Variants in TTC38 observed in about 807,000 individuals in gnomAD.
TTC38 encodes tetratricopeptide repeat protein 38.
In TTC38, 64 loss-of-function variants were observed where a neutral mutation model predicts 64.2. The ratio of observed to expected loss-of-function variants is 1.00; its 90% confidence interval spans 0.81 to 1.23. TTC38 has a LOEUF of 1.23. Ranked by LOEUF, TTC38 falls within the 50% of genes most tolerant of loss-of-function variation. The probability of loss-of-function intolerance (pLI) is 0.00; values close to 1 mark genes in which losing one functional copy is unlikely to be tolerated. For synonymous variants in TTC38, 254 were observed against 249.3 expected, an observed-to-expected ratio of 1.02 and a Z score of -0.18; for missense variants, 573 against 615.5, an observed-to-expected ratio of 0.93 and a Z score of 0.73.
In TTC38 at chr22:46,268,537, G is replaced by T; in HGVS notation, c.57G>T (p.Pro19=). 1 of 1,614,000 alleles carries T rather than the reference G, an allele frequency of 6.2e-7. No individual in the cohort carries two copies. Among genetic ancestry groups the T allele is most frequent in the Non-Finnish European group, 8.5e-7 (1 of 1,180,024 alleles). ...AGGCCTGGAAGGATGCGAGGCTCCC[G>T]CTCTCCACCACAAGCAACGAAGCCT... is the stretch of plus-strand genomic sequence containing the variant. ...DCQAWKDARL[P]LSTTSNEACK... Residue 19 remains proline, a synonymous_variant, in exon 2 of 14, where the codon CCG becomes CCT. Coordinates refer to ENST00000381031, the MANE Select transcript of TTC38 (RefSeq NM_017931.4).
intron 6 of TTC38, among the ~76,000 whole-genome samples, chr22:46,280,483 C>T (rs770464230): frequency 6.6e-5 from 10 of 152,254 alleles, no homozygotes; most frequent in Non-Finnish European, 1.2e-4. Flanking sequence ...CCACCCTTCA[C>T]TCCTGCCATT....
Position 46,291,228 on chromosome 22 carries a change from G to A in TTC38, c.1316+1329G>A, listed in dbSNP as rs1396168900. 1.3e-5 allele frequency among the ~76,000 whole-genome samples: 2 copies of A among 152,236 alleles called. No homozygotes were observed. The highest frequency in any genetic ancestry group is 2.9e-5 in the Non-Finnish European group (2 of 68,040). On this transcript the variant is annotated intron_variant, in intron 13 of 13. Coordinates refer to ENST00000381031, the MANE Select transcript of TTC38 (RefSeq NM_017931.4). The surrounding 1 kb of genome is among the most constrained non-coding windows in gnomAD (Gnocchi z 4.6). Reference sequence around the variant, plus strand: ...TGTTTCTTTGGTGGTCAAGCCCCCTGGGGAGCTCAGGCTGTGGTGTGGGTG... The same window carrying A: ...TGTTTCTTTGGTGGTCAAGCCCCCTAGGGAGCTCAGGCTGTGGTGTGGGTG...
Position 46,272,256 on chromosome 22 carries a change from G to T in TTC38, c.112-79G>T. 7.9e-7 allele frequency: 1 copy of T among 1,267,302 alleles called. No individual in the cohort carries two copies. The allele number at this position is 1,267,302 out of a possible 1,614,324, so 78.5% of individuals were successfully genotyped here. ...TCTGCCCGCCTCGGCCTCCCAAAGT[G>T]TAAACCTGGATTTAGAGCCACCTTT... On this transcript the variant is annotated intron_variant, in intron 2 of 13. Coordinates refer to ENST00000381031, the MANE Select transcript of TTC38 (RefSeq NM_017931.4). This position sits in a 1 kb window ranked among gnomAD's most constrained non-coding sequence, Gnocchi z 6.4.
At chr22:46,277,677 T>TCCTGGGCTGGG (rs2077503285) in intron 5 of TTC38, among the ~76,000 whole-genome samples, 2 of 147,108 alleles carry the variant, frequency 1.4e-5, no homozygotes, top group Non-Finnish European at 3.0e-5. Flanking sequence ...TTCTAGCCCA[T>TCCTGGGCTGGG]CCTGGGCTGG....
intron 11 of TTC38, among the ~76,000 whole-genome samples, chr22:46,289,117 G>A (rs901191390): frequency 1.3e-5 from 2 of 152,236 alleles, no homozygotes; most frequent in African/African-American, 4.8e-5. Context: ...CAGCAATCCT[G>A]ACGGTTCTGT....
chr22:46,293,268 T>TGTCCCCGTCCCCACCAGGCTGCCC lies in TTC38; in HGVS notation c.*385_*408dup. On this transcript the variant is annotated 3_prime_UTR_variant, in exon 14 of 14. Transcript: ENST00000381031. The surrounding 1 kb of genome is among the most constrained non-coding windows in gnomAD (Gnocchi z 6.6). ...CCAGAGGCAGCCTCCCCCCACTGCC[T>TGTCCCCGTCCCCACCAGGCTGCCC]GTCCCCGTCCCCACCAGGCTGCCCT... The TGTCCCCGTCCCCACCAGGCTGCCC allele has an allele frequency of 4.4e-6, 1 of 227,194 alleles. No homozygotes were observed. Among genetic ancestry groups the TGTCCCCGTCCCCACCAGGCTGCCC allele is most frequent in the Non-Finnish European group, 9.0e-6 (1 of 110,574 alleles). The allele number at this position is 227,194 out of a possible 1,614,324, so 14.1% of individuals were successfully genotyped here. A position where few individuals can be genotyped will look rare whatever the true frequency, so the allele number is the denominator to read the frequency against.
chr22:46,268,495 C>G lies in TTC38; in HGVS notation c.34-19C>G, dbSNP rs1936811752. The G allele has an allele frequency of 6.2e-7, 1 of 1,612,632 alleles. No individual in the cohort carries two copies. On this transcript the variant is annotated intron_variant, in intron 1 of 13. Transcript: ENST00000381031. ...CTCCTGGAGAGAAGGCACTGCTATT[C>G]CCTTCTTGCCGTCTGTAGGCCTGGA... is the stretch of plus-strand genomic sequence containing the variant.
rs1555886902 is a variant in TTC38, at chr22:46,276,824, A to AATATATATATATTAAAT, written c.539+1415_539+1416insTAAATATATATATATAT. On this transcript the variant is annotated intron_variant, in intron 5 of 13. Coordinates refer to ENST00000381031, the MANE Select transcript of TTC38 (RefSeq NM_017931.4). The surrounding 1 kb of genome is among the most constrained non-coding windows in gnomAD (Gnocchi z 4.7). ...ATTATATATTAAAATATATATATTA[A>AATATATATATATTAAAT]ATATATATATATATATAAACATATA... 2.1e-5 allele frequency among the ~76,000 whole-genome samples: 3 copies of AATATATATATATTAAAT among 139,556 alleles called. No individual in the cohort carries two copies. The highest frequency in any genetic ancestry group is 8.3e-5 in the African/African-American group (3 of 36,132). 91.6% of individuals were successfully genotyped at this position (139,556 alleles called of 152,430 possible).
intron 5 of TTC38, among the ~76,000 whole-genome samples, chr22:46,277,046 T>TAC (rs4044315): frequency 0.02 from 2,561 of 131,286 alleles, 31 homozygotes; most frequent in South Asian, 0.055. Context: ...TATATATACA[T>TAC]ACACACACAC....
Position 46,288,543 on chromosome 22 carries a change from C to T in TTC38, c.1037C>T (p.Pro346Leu). The T allele has an allele frequency of 1.2e-6, 2 of 1,613,998 alleles. No individual in the cohort carries two copies. Among genetic ancestry groups the T allele is most frequent in the Non-Finnish European group, 1.7e-6 (2 of 1,179,926 alleles). ...FLMASLGAHD[P>L]QTTQELLTTL... ...ATGGCATCCCTGGGTGCACACGACCCCCAGACCACACAGGAGCTGCTGACC... is the reference window on the plus strand; with the variant it reads ...ATGGCATCCCTGGGTGCACACGACCTCCAGACCACACAGGAGCTGCTGACC... The change falls in exon 11 of 14, where the codon CCC (proline) becomes CTC (leucine). Residue 346 changes from proline (P) to leucine (L), a missense_variant. By Grantham distance (98) the Pro-to-Leu change is moderately conservative (BLOSUM62 -3). This residue lies in a region of TTC38 where 371 missense variants were observed against 381.8 expected (regional missense o/e 0.97). Transcript: ENST00000381031.
Position 46,292,988 on chromosome 22 carries a change from G to C in TTC38, c.*104G>C, listed in dbSNP as rs111839774. 3.1e-4 allele frequency: 248 copies of C among 809,712 alleles called. No homozygotes were observed. In the African/African-American group the frequency reaches 3.6e-3, roughly 12 times the overall value. The allele number at this position is 809,712 out of a possible 1,614,324, so 50.2% of individuals were successfully genotyped here. On this transcript the variant is annotated 3_prime_UTR_variant, in exon 14 of 14. Transcript: ENST00000381031. This position sits in a 1 kb window ranked among gnomAD's most constrained non-coding sequence, Gnocchi z 6.5. ...GTCAGGAGACGGCCAGAGCCTGTTT[G>C]TTAGGGCTGTTAGAGGGTGATCTTC... is the stretch of plus-strand genomic sequence containing the variant.
chr22:46,268,392 A>G (rs1337121565), intron 1 of TTC38, 122 bp from the exon 2 acceptor site: 17 of 1,069,382 alleles, frequency 1.6e-5, no homozygotes, highest in Non-Finnish European at 2.2e-5. Flanking sequence ...CAGGACTGGG[A>G]GCCTGAGCCC....
Position 46,291,435 on chromosome 22 carries a change from G to A in TTC38, c.1317-1356G>A, listed in dbSNP as rs527899105. ...CAGGGAGCCGACTGCATTAGGAGACGTGGAGGGGGCCTTCTCTCCAAGTCC... is the reference window on the plus strand; with the variant it reads ...CAGGGAGCCGACTGCATTAGGAGACATGGAGGGGGCCTTCTCTCCAAGTCC... On this transcript the variant is annotated intron_variant, in intron 13 of 13. Transcript: ENST00000381031. This position sits in a 1 kb window ranked among gnomAD's most constrained non-coding sequence, Gnocchi z 4.6. Among the ~76,000 whole-genome samples the A allele has an allele frequency of 5.3e-5, 8 of 152,224 alleles. No homozygotes were observed. Among genetic ancestry groups the A allele is most frequent in the Admixed American group, 2.6e-4 (4 of 15,296 alleles).
Position 46,289,706 on chromosome 22 carries a change from C to T in TTC38, c.1243-120C>T, listed in dbSNP as rs114203151. ...TCACACTCCCGCCGTGTAAGTTCGT[C>T]GTTGAGGGTGTGGCATCAACACCAC... On this transcript the variant is annotated intron_variant, in intron 12 of 13. Transcript: ENST00000381031. The T allele has an allele frequency of 3.6e-3, 5,285 of 1,467,102 alleles. 163 individuals carry two copies. In the African/African-American group the frequency reaches 0.063, roughly 17 times the overall value. The allele number at this position is 1,467,102 out of a possible 1,614,324, so 90.9% of individuals were successfully genotyped here. A position where few individuals can be genotyped will look rare whatever the true frequency, so the allele number is the denominator to read the frequency against.
chr22:46,286,445 G>C (rs2077572088), intron 9 of TTC38, among the ~76,000 whole-genome samples: 1 of 152,150 alleles, frequency 6.6e-6, no homozygotes, highest in Non-Finnish European at 1.5e-5. Context: ...TAGATCACCT[G>C]AGGTCAGGAG....
chr22:46,290,454 G>A (rs1252913699), intron 13 of TTC38, among the ~76,000 whole-genome samples: 5 of 152,224 alleles, frequency 3.3e-5, no homozygotes, highest in African/African-American at 1.2e-4. Flanking sequence ...AGCCAGGCCA[G>A]GCATGGGGCT....
intron 8 of TTC38, among the ~76,000 whole-genome samples, chr22:46,284,588 GA>G (rs2077558045): frequency 6.6e-6 from 1 of 152,128 alleles, no homozygotes; most frequent in South Asian, 2.1e-4. Flanking sequence ...ATGCAGAAAA[GA>G]AAAAGGCAGC....
In TTC38 at chr22:46,291,042, G is replaced by A. The variant is rs1169369611; in HGVS notation, c.1316+1143G>A. On this transcript the variant is annotated intron_variant, in intron 13 of 13. Transcript: ENST00000381031. The surrounding 1 kb of genome is among the most constrained non-coding windows in gnomAD (Gnocchi z 4.6). Reference sequence around the variant, plus strand: ...GTGGTTTAGGCGCAGGTGCACCAGCGCAGCTCCCTCCAGGCAGGGTTACCC... The same window carrying A: ...GTGGTTTAGGCGCAGGTGCACCAGCACAGCTCCCTCCAGGCAGGGTTACCC... Among the ~76,000 whole-genome samples the A allele has an allele frequency of 2.6e-5, 4 of 152,200 alleles. No homozygotes were observed. Among genetic ancestry groups the A allele is most frequent in the Non-Finnish European group, 5.9e-5 (4 of 68,026 alleles).
In TTC38 at chr22:46,276,721, T is replaced by A. The variant is rs1401972816; in HGVS notation, c.539+1300T>A. 4.2e-5 allele frequency among the ~76,000 whole-genome samples: 6 copies of A among 142,512 alleles called. No homozygotes were observed. The highest frequency in any genetic ancestry group is 7.9e-5 in the African/African-American group (3 of 37,910). The allele number at this position is 142,512 out of a possible 152,430, so 93.5% of individuals were successfully genotyped here. ...TCTAAAAGAATATATATATTAAAAA[T>A]ATATATATTAAAAAAATATATATAA... is the stretch of plus-strand genomic sequence containing the variant. On this transcript the variant is annotated intron_variant, in intron 5 of 13. Coordinates refer to ENST00000381031, the MANE Select transcript of TTC38 (RefSeq NM_017931.4). This position sits in a 1 kb window ranked among gnomAD's most constrained non-coding sequence, Gnocchi z 4.7.
Sources: gnomAD v4.1 joint callset for allele counts (sites outside exome capture counted in the v4.1 genomes callset) on GRCh38, gnomAD v4.1.1 for gene constraint, gnomAD v4.1.1 regional missense constraint, Gnocchi (gnomAD v3.1) non-coding constraint, MANE v1.5 for transcripts, NCBI Gene and HGNC (gene_info 2026-07-23, HGNC 2026-07-21) for gene names.